The following ANKS1B variants were observed in gnomAD, a reference collection of about 807,000 sequenced individuals.
ANKS1B encodes the protein ankyrin repeat and sterile alpha motif domain containing 1B.
ANKS1B carries 36 observed loss-of-function variants against 148.3 expected under a neutral mutation model. That is an observed-to-expected ratio of 0.24 (90% CI 0.19 to 0.32). ANKS1B has a LOEUF of 0.32. ANKS1B is among the 10% of genes least tolerant of loss of function. ANKS1B has a pLI of 1.00. For synonymous variants in ANKS1B, 542 were observed against 560.8 expected (o/e 0.97, Z 0.47); for missense variants, 1,157 against 1,542.6 (o/e 0.75, Z 4.19).
At chr12:99,394,742 C>A (rs1291873838) in intron 12 of ANKS1B, among the ~76,000 whole-genome samples, 1 of 152,176 alleles carries the variant, frequency 6.6e-6, no homozygotes, top group African/African-American at 2.4e-5. Context: ...TTCATTCCAT[C>A]CTTCCTCAAG....
chr12:99,925,930 T>G (rs1457537084), intron 1 of ANKS1B, among the ~76,000 whole-genome samples: 1 of 152,070 alleles, frequency 6.6e-6, no homozygotes, highest in Non-Finnish European at 1.5e-5. Flanking sequence ...TCTAACTCAA[T>G]AGCTGTTATC....
At chr12:99,555,528 G>A (rs1167183755) in intron 9 of ANKS1B, among the ~76,000 whole-genome samples, 1 of 152,134 alleles carries the variant, frequency 6.6e-6, no homozygotes, top group Non-Finnish European at 1.5e-5. Context: ...GTTCTCAAGG[G>A]TTATGCTTCT....
At chr12:99,899,851 G>A (rs1382911749) in intron 1 of ANKS1B, among the ~76,000 whole-genome samples, 1 of 151,534 alleles carries the variant, frequency 6.6e-6, no homozygotes, top group Non-Finnish European at 1.5e-5. Context: ...GTCTTAAAAT[G>A]TTTCCAGGAT....
chr12:98,786,335 C>T lies in ANKS1B; in HGVS notation c.3343-4198G>A, dbSNP rs987798084. On this transcript the variant is annotated intron_variant, in intron 22 of 26. Coordinates refer to ENST00000683438, the MANE Select transcript of ANKS1B (RefSeq NM_001352186.2). Reference sequence around the variant, plus strand: ...GCACTTGAGTTTATATTGTCTATAACCATTAAACAGAAACAGGAATCAGAA... The same window carrying T: ...GCACTTGAGTTTATATTGTCTATAATCATTAAACAGAAACAGGAATCAGAA... Among the ~76,000 whole-genome samples the T allele has an allele frequency of 3.9e-5, 6 of 152,112 alleles. No homozygotes were observed. In the East Asian group the frequency reaches 9.6e-4, roughly 24 times the overall value.
chr12:99,242,302 AAG>A (rs2089493027), intron 14 of ANKS1B, among the ~76,000 whole-genome samples: 1 of 152,194 alleles, frequency 6.6e-6, no homozygotes, highest in African/African-American at 2.4e-5. Context: ...AATTACTACA[AAG>A]AGAATAAAAT....
At chr12:98,897,903 C>A (rs923757195) in intron 17 of ANKS1B, among the ~76,000 whole-genome samples, 6 of 152,136 alleles carry the variant, frequency 3.9e-5, no homozygotes, top group Admixed American at 3.3e-4. Context: ...GAAATCATGT[C>A]TTTTGCAGCA....
At chr12:99,622,180 A>G (rs1421176980) in intron 9 of ANKS1B, among the ~76,000 whole-genome samples, 1 of 152,052 alleles carries the variant, frequency 6.6e-6, no homozygotes, top group Non-Finnish European at 1.5e-5. Flanking sequence ...GCAGAAATCA[A>G]AAAATTTTCC....
At chr12:99,923,880 G>A (rs2094425054) in intron 1 of ANKS1B, among the ~76,000 whole-genome samples, 1 of 152,110 alleles carries the variant, frequency 6.6e-6, no homozygotes, top group Non-Finnish European at 1.5e-5. Context: ...GGTGAGGAGA[G>A]TGAGGCATTC....
At chr12:98,931,806 T>C (rs1208632583) in intron 17 of ANKS1B, 6 of 152,270 alleles carry the variant, frequency 3.9e-5, no homozygotes, top group Admixed American at 1.3e-4. Flanking sequence ...ATCTGATTGG[T>C]TTGTCAACAT....
chr12:99,317,341 G>C (rs1487718220), intron 12 of ANKS1B, among the ~76,000 whole-genome samples: 2 of 152,092 alleles, frequency 1.3e-5, no homozygotes, highest in Non-Finnish European at 2.9e-5. Flanking sequence ...TTATTTCATT[G>C]AGCAGTGGTT....
At chr12:98,928,664 A>G (rs1191896120) in intron 17 of ANKS1B, among the ~76,000 whole-genome samples, 1 of 151,998 alleles carries the variant, frequency 6.6e-6, no homozygotes, top group African/African-American at 2.4e-5. Context: ...AATACTTTAA[A>G]TTAATATATA....
intron 12 of ANKS1B, among the ~76,000 whole-genome samples, chr12:99,277,387 T>G (rs904297775): frequency 6.6e-6 from 1 of 152,202 alleles, no homozygotes; most frequent in Non-Finnish European, 1.5e-5. Flanking sequence ...CAAAGCTACT[T>G]TGGTGCCACA....
chr12:98,755,953 CA>C (rs2098230542), intron 25 of ANKS1B, among the ~76,000 whole-genome samples: 1 of 152,198 alleles, frequency 6.6e-6, no homozygotes, highest in East Asian at 1.9e-4. Context: ...TAGGATATAG[CA>C]GAAGCAACAT....
chr12:99,657,126 G>A (rs1233544744), intron 8 of ANKS1B, among the ~76,000 whole-genome samples: 3 of 152,020 alleles, frequency 2.0e-5, no homozygotes, highest in Non-Finnish European at 4.4e-5. Flanking sequence ...GAGTATCACT[G>A]GCCTATTGTC....
intron 17 of ANKS1B, among the ~76,000 whole-genome samples, chr12:98,966,210 C>A (rs1389978880): frequency 1.3e-5 from 2 of 152,046 alleles, no homozygotes; most frequent in African/African-American, 2.4e-5. Context: ...AAGAAAAAAA[C>A]AAACAACCCC....
intron 9 of ANKS1B, among the ~76,000 whole-genome samples, chr12:99,588,954 T>G (rs1314777015): frequency 6.6e-6 from 1 of 152,230 alleles, no homozygotes; most frequent in Non-Finnish European, 1.5e-5. Context: ...ACCTATCAGA[T>G]AAAATTAAGA....
At chr12:99,330,367 C>T (rs1356556909) in intron 12 of ANKS1B, among the ~76,000 whole-genome samples, 2 of 151,912 alleles carry the variant, frequency 1.3e-5, no homozygotes, top group African/African-American at 2.4e-5. Flanking sequence ...AGATTCCTAG[C>T]CTGAGTGCCA....
chr12:99,494,959 T>C (rs921462287), intron 10 of ANKS1B, among the ~76,000 whole-genome samples: 2 of 152,158 alleles, frequency 1.3e-5, no homozygotes. Context: ...CAAAGTTCCA[T>C]CTGGTAAATT....
At chr12:99,964,120 T>C (rs957440349) in intron 1 of ANKS1B, among the ~76,000 whole-genome samples, 2 of 152,100 alleles carry the variant, frequency 1.3e-5, no homozygotes, top group Admixed American at 6.6e-5. Flanking sequence ...CACAACACTA[T>C]ACATGAAAAA....
Sources: allele counts gnomAD v4.1 joint callset (sites outside exome capture counted in the v4.1 genomes callset), GRCh38; gene constraint gnomAD v4.1.1; transcripts MANE v1.5; gene names NCBI Gene and HGNC (gene_info 2026-07-23, HGNC 2026-07-21).